Variants in AGFG2 observed in about 807,000 individuals in gnomAD.
AGFG2 encodes the protein arf-GAP domain and FG repeat-containing protein 2.
In AGFG2, 31 loss-of-function variants were observed where a neutral mutation model predicts 48.0. That is an observed-to-expected ratio of 0.65 (90% CI 0.49 to 0.87). The LOEUF is 0.87. Ranked by LOEUF, AGFG2 falls within the 40% of genes least tolerant of loss-of-function variation. The probability of loss-of-function intolerance (pLI) is 0.00; values close to 1 mark genes in which losing one functional copy is unlikely to be tolerated. For missense variants in AGFG2, 599 were observed against 632.6 expected, an observed-to-expected ratio of 0.95 and a Z score of 0.57; for synonymous variants, 229 against 260.8, an observed-to-expected ratio of 0.88 and a Z score of 1.18.
At chr7:100,551,067 T>TATATA (rs1562791931) in intron 3 of AGFG2, among the ~76,000 whole-genome samples, 12 of 96,772 alleles carry the variant, frequency 1.2e-4, no homozygotes, top group African/African-American at 1.7e-4. Context: ...TATATATATA[T>TATATA]TTCTTTTTTT....
intron 6 of AGFG2, among the ~76,000 whole-genome samples, chr7:100,559,387 A>G (rs1800819417): frequency 6.6e-6 from 1 of 152,060 alleles, no homozygotes; most frequent in African/African-American, 2.4e-5. Flanking sequence ...AGATTTTGAG[A>G]GGTGGGTGTC....
intron 1 of AGFG2, among the ~76,000 whole-genome samples, chr7:100,544,124 G>T (rs1800470668): frequency 6.6e-6 from 1 of 152,190 alleles, no homozygotes; most frequent in South Asian, 2.1e-4. Flanking sequence ...AAAGAAAATG[G>T]ATGTTGAGGC....
At chr7:100,550,575 G>A in intron 3 of AGFG2, 64 bp downstream of exon 3, 7 of 1,300,584 alleles carry the variant, frequency 5.4e-6, no homozygotes, top group Non-Finnish European at 7.7e-6. Context: ...TGACAGTCCA[G>A]TTTCTAGAGT....
At chr7:100,551,055 TATATATATATA>T (rs1562791824) in intron 3 of AGFG2, among the ~76,000 whole-genome samples, 4 of 87,908 alleles carry the variant, frequency 4.6e-5, no homozygotes, top group African/African-American at 1.6e-4. Flanking sequence ...TATATATATA[TATATATATATA>T]TTTCTTTTTT....
intron 6 of AGFG2, among the ~76,000 whole-genome samples, chr7:100,556,931 C>T (rs1486353507): frequency 6.6e-6 from 1 of 152,184 alleles, no homozygotes; most frequent in Non-Finnish European, 1.5e-5. Context: ...GGCGTGGTGG[C>T]TCACATCTGT....
At chr7:100,561,877 T>C (rs1412588794) in intron 6 of AGFG2, among the ~76,000 whole-genome samples, 2 of 152,032 alleles carry the variant, frequency 1.3e-5, no homozygotes, top group Non-Finnish European at 2.9e-5. Context: ...CTCCCTGCCA[T>C]GTTCTGATAA....
intron 3 of AGFG2, among the ~76,000 whole-genome samples, chr7:100,551,305 G>A (rs973132316): frequency 1.3e-5 from 2 of 150,756 alleles, no homozygotes; most frequent in Non-Finnish European, 3.0e-5. Context: ...TCCTGACCTC[G>A]TGATCCGCCC....
chr7:100,547,992 C>A (rs1050046625), intron 1 of AGFG2, among the ~76,000 whole-genome samples: 2 of 152,148 alleles, frequency 1.3e-5, no homozygotes, highest in African/African-American at 4.8e-5. Flanking sequence ...TTAGTGTTAT[C>A]AAGAATAGTA....
In AGFG2 at chr7:100,567,384, A is replaced by T. The variant is rs1052452153; in HGVS notation, c.*2393A>T. The T allele has an allele frequency of 6.5e-6, 1 of 152,844 alleles. No individual in the cohort carries two copies. The highest frequency in any genetic ancestry group is 1.5e-5 in the Non-Finnish European group (1 of 68,234). The allele number at this position is 152,844 out of a possible 1,614,324, so 9.5% of individuals were successfully genotyped here. ...CCACACACACCACGGGGCTAGAGTG[A>T]CTCACCTGGGCTCACACCAACTTCT... On this transcript the variant is annotated 3_prime_UTR_variant, in exon 12 of 12. Coordinates refer to ENST00000300176, the MANE Select transcript of AGFG2 (RefSeq NM_006076.5).
intron 1 of AGFG2, 113 bp from the exon 2 acceptor site, chr7:100,548,709 G>T (rs1800560727): frequency 4.1e-6 from 3 of 726,812 alleles, no homozygotes; most frequent in Non-Finnish European, 4.8e-6. Flanking sequence ...TTCTATCTGA[G>T]CTTAGTTTAT....
chr7:100,562,434 G>C lies in AGFG2; in HGVS notation c.998+55G>C. The C allele has an allele frequency of 6.2e-7, 1 of 1,606,452 alleles. No homozygotes were observed. The highest frequency in any genetic ancestry group is 1.1e-5 in the South Asian group (1 of 90,616). ...AGGGCAGGAGAGCCGCCCGAAGCCT[G>C]GCCATGTTCCTCCCAGCCCCATCGG... On this transcript the variant is annotated intron_variant, in intron 7 of 11. Transcript: ENST00000300176. The surrounding 1 kb of genome is among the most constrained non-coding windows in gnomAD (Gnocchi z 5.4).
chr7:100,563,807 C>G, intron 9 of AGFG2, 27 bp from the exon 10 acceptor site: 1 of 1,609,458 alleles, frequency 6.2e-7, no homozygotes, highest in Non-Finnish European at 8.5e-7. Flanking sequence ...AGAAGTTCAC[C>G]TGAGCCTCCC....
At chr7:100,550,974 A>G (rs1460870313) in intron 3 of AGFG2, among the ~76,000 whole-genome samples, 2 of 127,028 alleles carry the variant, frequency 1.6e-5, no homozygotes, top group Non-Finnish European at 3.2e-5. Flanking sequence ...TGATCCTCCT[A>G]CCTCATCCTC....
At position 100,561,546 on chromosome 7, in the gene AGFG2, C is replaced by T. The variant is rs1800872368; in HGVS notation, c.878-713C>T. Among the ~76,000 whole-genome samples the T allele has an allele frequency of 2.6e-5, 4 of 152,354 alleles. No individual in the cohort carries two copies. In the South Asian group the frequency reaches 8.3e-4, roughly 32 times the overall value. ...CAGACAGGAGGCTTTCTTAAAATGA[C>T]AGGGACTCAGCCTCTTCCCCTGAGA... On this transcript the variant is annotated intron_variant, in intron 6 of 11. Coordinates refer to ENST00000300176, the MANE Select transcript of AGFG2 (RefSeq NM_006076.5).
In AGFG2 at chr7:100,567,537, A is replaced by G. The variant is rs1801038985; in HGVS notation, c.*2546A>G. The G allele has an allele frequency of 6.5e-6, 1 of 152,934 alleles. No individual in the cohort carries two copies. The highest frequency in any genetic ancestry group is 1.5e-5 in the Non-Finnish European group (1 of 68,278). The allele number at this position is 152,934 out of a possible 1,614,324, so 9.5% of individuals were successfully genotyped here. The stretch of plus-strand genomic sequence containing the variant: ...GGAGTCAGCCACCAAGTGTCTCCAC[A>G]TCGGAGCTTGCGGGTCAGACCTGTG... On this transcript the variant is annotated 3_prime_UTR_variant, in exon 12 of 12. Transcript: ENST00000300176.
intron 1 of AGFG2, among the ~76,000 whole-genome samples, chr7:100,545,809 C>T (rs1800499625): frequency 6.6e-6 from 1 of 152,164 alleles, no homozygotes; most frequent in Non-Finnish European, 1.5e-5. Flanking sequence ...CAGTGAAATG[C>T]AGCACACCTA....
In AGFG2 at chr7:100,565,110, G is replaced by A. The variant is rs1034502076; in HGVS notation, c.*119G>A. On this transcript the variant is annotated 3_prime_UTR_variant, in exon 12 of 12. Transcript: ENST00000300176. Reference sequence around the variant, plus strand: ...CCTTGGGGATGGTGGAGGTGCTAATGCTTTGCTTGGGGCCTACAGGTGAAA... The same window carrying A: ...CCTTGGGGATGGTGGAGGTGCTAATACTTTGCTTGGGGCCTACAGGTGAAA... The A allele has an allele frequency of 1.3e-5, 16 of 1,198,738 alleles. No individual in the cohort carries two copies. In the South Asian group the frequency reaches 1.4e-4, roughly 10 times the overall value. 74.3% of individuals were successfully genotyped at this position (1,198,738 alleles called of 1,614,324 possible). A position where few individuals can be genotyped will look rare whatever the true frequency, so the allele number is the denominator to read the frequency against.
At chr7:100,560,676 G>C (rs1341828186) in intron 6 of AGFG2, among the ~76,000 whole-genome samples, 1 of 152,170 alleles carries the variant, frequency 6.6e-6, no homozygotes, top group Admixed American at 6.5e-5. Flanking sequence ...CAGTGAGAGG[G>C]AGCGGGGCTT....
In AGFG2 at chr7:100,564,956, G is replaced by A. The variant is rs374241347; in HGVS notation, c.1411G>A (p.Ala471Thr). 8 of 1,614,038 alleles carry A rather than the reference G, an allele frequency of 5.0e-6. No homozygotes were observed. Among genetic ancestry groups the A allele is most frequent in the South Asian group, 1.1e-5 (1 of 91,078 alleles). The change falls in exon 12 of 12, where the codon GCC becomes ACC. Residue 471 changes from alanine to threonine, a missense_variant. By Grantham distance (58) the Ala-to-Thr change is moderately conservative. Coordinates refer to ENST00000300176, the MANE Select transcript of AGFG2 (RefSeq NM_006076.5). ...FMTGPSSSPFASKPPTTNPFL is the reference protein window; with the variant it reads ...FMTGPSSSPFTSKPPTTNPFL ...GACTGGACCCTCATCAAGCCCATTC[G>A]CCTCCAAACCTCCAACCACCAACCC...
Sources: gnomAD v4.1 joint callset for allele counts (sites outside exome capture counted in the v4.1 genomes callset) on GRCh38, gnomAD v4.1.1 for gene constraint, Gnocchi (gnomAD v3.1) non-coding constraint, MANE v1.5 for transcripts, NCBI Gene and HGNC (gene_info 2026-07-23, HGNC 2026-07-21) for gene names.